The following DLG1 variants were observed in gnomAD, a reference collection of about 807,000 sequenced individuals.
DLG1 encodes disks large homolog 1.
DLG1 carries 42 observed loss-of-function variants against 123.4 expected under a neutral mutation model. The ratio of observed to expected loss-of-function variants is 0.34; its 90% CI spans 0.27 to 0.44. The LOEUF is 0.44. DLG1 is among the 20% of genes least tolerant of loss of function. DLG1 has a pLI of 1.00. For synonymous variants in DLG1, 317 were observed against 356.2 expected (o/e 0.89, Z 1.24); for missense variants, 942 against 1,082.6 (o/e 0.87, Z 1.82).
Position 197,043,418 on chromosome 3 carries a change from ATAATC to A in DLG1, c.*1200_*1204del, listed in dbSNP as rs1262248914. The stretch of plus-strand genomic sequence containing the variant: ...GGAGAATATGCCCACACTTTTACTT[ATAATC>A]TAATTTCCCTAAATGTTTCCTCCTC... On this transcript the variant is annotated 3_prime_UTR_variant, in exon 25 of 25. Transcript: ENST00000667157. 1 of 152,190 alleles carries A rather than the reference ATAATC, an allele frequency of 6.6e-6. No homozygotes were observed. The highest frequency in any genetic ancestry group is 1.9e-4 in the East Asian group (1 of 5,202). The allele number at this position is 152,190 out of a possible 1,614,324, so 9.4% of individuals were successfully genotyped here.
chr3:197,080,921 T>C lies in DLG1; in HGVS notation c.1905+130A>G. On this transcript the variant is annotated intron_variant, in intron 17 of 24. Transcript: ENST00000667157. ...ATGGGTGCTTGAATTTAACAAATGC[T>C]TAAGTATCTACCATTGTAAAGCACC... 4 of 709,764 alleles carry C rather than the reference T, an allele frequency of 5.6e-6. No individual in the cohort carries two copies. The South Asian group carries it at 1.0e-4, about 18-fold the overall frequency. The allele number at this position is 709,764 out of a possible 1,614,324, so 44.0% of individuals were successfully genotyped here.
intron 4 of DLG1, among the ~76,000 whole-genome samples, chr3:197,249,286 A>C (rs2150834234): frequency 6.6e-6 from 1 of 152,234 alleles, no homozygotes; most frequent in South Asian, 2.1e-4. Context: ...ATATGCCAAC[A>C]AATTTAAAAA....
chr3:197,147,131 TA>T (rs1012169469), intron 6 of DLG1, among the ~76,000 whole-genome samples: 2 of 148,310 alleles, frequency 1.3e-5, no homozygotes, highest in Non-Finnish European at 3.0e-5. Flanking sequence ...CATAAAAAAA[TA>T]AAAAAAAATA....
intron 4 of DLG1, among the ~76,000 whole-genome samples, chr3:197,201,243 G>T (rs951229183): frequency 2.0e-5 from 3 of 152,196 alleles, no homozygotes; most frequent in African/African-American, 7.2e-5. Flanking sequence ...ATTTAGCTGG[G>T]CATGGTGGCA....
chr3:197,104,060 C>A lies in DLG1; in HGVS notation c.1546+843G>T, dbSNP rs553279735. ...CATCCACCATACTTCACCATCTAGA[C>A]ACACAGTATACTCCAAACTTGGCAT... On this transcript the variant is annotated intron_variant, in intron 14 of 24. Transcript: ENST00000667157. Among the ~76,000 whole-genome samples the A allele has an allele frequency of 1.1e-4, 16 of 152,232 alleles. 1 individual carries two copies. Among genetic ancestry groups the A allele is most frequent in the African/African-American group, 3.6e-4 (15 of 41,524 alleles).
chr3:197,174,239 C>CCT (rs1177854493), intron 5 of DLG1, among the ~76,000 whole-genome samples: 1 of 152,070 alleles, frequency 6.6e-6, no homozygotes, highest in Non-Finnish European at 1.5e-5. Flanking sequence ...CTTTAAGACA[C>CCT]CTAAGTTAAC....
chr3:197,238,511 A>C (rs562332742), intron 4 of DLG1, among the ~76,000 whole-genome samples: 1 of 152,338 alleles, frequency 6.6e-6, no homozygotes, highest in African/African-American at 2.4e-5. Context: ...AATAACACTA[A>C]AGACTCAATG....
chr3:197,163,416 T>C (rs1282464445), intron 5 of DLG1, among the ~76,000 whole-genome samples: 1 of 152,048 alleles, frequency 6.6e-6, no homozygotes, highest in Admixed American at 6.6e-5. Context: ...TGTATGCCAA[T>C]GTTCAATGCA....
At chr3:197,273,865 A>AAAAAAAAAC (rs1553804416) in intron 4 of DLG1, among the ~76,000 whole-genome samples, 3 of 145,428 alleles carry the variant, frequency 2.1e-5, no homozygotes, top group Non-Finnish European at 3.0e-5. Context: ...AAAAAAAAAA[A>AAAAAAAAAC]CCAAAACAAA....
At chr3:197,066,542 A>G (rs1739686001) in intron 20 of DLG1, among the ~76,000 whole-genome samples, 162 bp downstream of exon 20, 1 of 152,216 alleles carries the variant, frequency 6.6e-6, no homozygotes, top group Non-Finnish European at 1.5e-5. Flanking sequence ...TATTCTGTGG[A>G]GTAAACTATG....
Position 197,274,025 on chromosome 3 carries a change from C to A in DLG1, c.318+8654G>T, listed in dbSNP as rs983587419. Among the ~76,000 whole-genome samples, 5 of 152,074 alleles carry A rather than the reference C, an allele frequency of 3.3e-5. No individual in the cohort carries two copies. In the South Asian group the frequency reaches 1.0e-3, roughly 31 times the overall value. The stretch of plus-strand genomic sequence containing the variant: ...AACTAATATTGTTAAAATGTCCATA[C>A]TAACCAAAGCAATATACAGATTCAA... On this transcript the variant is annotated intron_variant, in intron 4 of 24. Coordinates refer to ENST00000667157, the MANE Select transcript of DLG1 (RefSeq NM_001366207.1).
rs952455285 is a variant in DLG1, at chr3:197,288,753, T to A, written c.152-5908A>T. Among the ~76,000 whole-genome samples the A allele has an allele frequency of 2.2e-4, 22 of 101,272 alleles. No individual in the cohort carries two copies. The East Asian group carries it at 6.4e-3, about 29-fold the overall frequency. 66.4% of individuals were successfully genotyped at this position (101,272 alleles called of 152,430 possible). A position where few individuals can be genotyped will look rare whatever the true frequency, so the allele number is the denominator to read the frequency against. The stretch of plus-strand genomic sequence containing the variant: ...AAAAAAAAAAAAAAAAATACATACA[T>A]ACATACATACATACATACATAAAAT... On this transcript the variant is annotated intron_variant, in intron 3 of 24. Transcript: ENST00000667157.
At chr3:197,280,672 G>A (rs115591037) in intron 4 of DLG1, among the ~76,000 whole-genome samples, 1,752 of 152,108 alleles carry the variant, frequency 0.012, 24 homozygotes, top group African/African-American at 0.04. Context: ...TAAGTAAATC[G>A]AGTATAAGAA....
chr3:197,099,302 T>G (rs1762229215), intron 14 of DLG1, among the ~76,000 whole-genome samples: 1 of 152,240 alleles, frequency 6.6e-6, no homozygotes, highest in South Asian at 2.1e-4. Context: ...TAGGCTCAAG[T>G]GATCCTCTTG....
At chr3:197,138,104 C>T (rs777922505) in intron 9 of DLG1, 118 bp downstream of exon 9, 6 of 540,174 alleles carry the variant, frequency 1.1e-5, no homozygotes, top group Non-Finnish European at 1.7e-5. Flanking sequence ...AAAATCCACT[C>T]AAGTTCTGTA....
At chr3:197,128,932 T>G (rs1781149343) in intron 11 of DLG1, among the ~76,000 whole-genome samples, 1 of 152,224 alleles carries the variant, frequency 6.6e-6, no homozygotes, top group Non-Finnish European at 1.5e-5. Flanking sequence ...TCATTCAGGC[T>G]TTGTTGCTTC....
At chr3:197,267,302 C>CA (rs1421617527) in intron 4 of DLG1, among the ~76,000 whole-genome samples, 5 of 152,026 alleles carry the variant, frequency 3.3e-5, no homozygotes, top group African/African-American at 4.8e-5. Flanking sequence ...CAAATGCCAC[C>CA]AAAAAATCAG....
chr3:197,269,068 G>A (rs373104713), intron 4 of DLG1, among the ~76,000 whole-genome samples: 1 of 152,106 alleles, frequency 6.6e-6, no homozygotes, highest in Non-Finnish European at 1.5e-5. Flanking sequence ...GCCTGAGGCC[G>A]TTTTACACTT....
chr3:197,140,647 A>C (rs1787492743), intron 7 of DLG1, among the ~76,000 whole-genome samples: 1 of 152,202 alleles, frequency 6.6e-6, no homozygotes, highest in Non-Finnish European at 1.5e-5. Context: ...ACAAATGCTG[A>C]AGTGATCTTC....
Sources: gnomAD v4.1 joint callset for allele counts (sites outside exome capture counted in the v4.1 genomes callset) on GRCh38, gnomAD v4.1.1 for gene constraint, MANE v1.5 for transcripts, NCBI Gene and HGNC (gene_info 2026-07-23, HGNC 2026-07-21) for gene names.